Variants in TMEM71 observed in about 807,000 individuals in gnomAD.
TMEM71 encodes the protein transmembrane protein 71.
Under a neutral mutation model 38.0 loss-of-function variants are expected in TMEM71, and 44 were observed. The observed-to-expected ratio is 1.16, with a 90% CI of 0.91 to 1.49. The LOEUF (loss-of-function observed/expected upper bound fraction) is 1.49, where lower values mean the gene tolerates loss of function less well. Ranked by LOEUF, TMEM71 falls within the 40% of genes most tolerant of loss-of-function variation. The pLI is 0.00. For missense variants in TMEM71, 367 were observed against 348.6 expected (o/e 1.05, Z -0.42); for synonymous variants, 133 against 122.5 (o/e 1.09, Z -0.56).
At chr8:132,707,930 G>T (rs772704974), downstream of TMEM71, among the ~76,000 whole-genome samples, 1 of 152,006 alleles carries the variant, frequency 6.6e-6, no homozygotes, top group South Asian at 2.1e-4. Context: ...ATTCTTCACC[G>T]TCATACTCCC....
chr8:132,716,108 T>C (rs528623002), intron 7 of TMEM71, among the ~76,000 whole-genome samples: 3 of 152,228 alleles, frequency 2.0e-5, no homozygotes, highest in Admixed American at 1.3e-4. Context: ...CTGCAGCCGC[T>C]CAGCCATGGC....
At chr8:132,756,409 TATTATA>T (rs1171758056) in intron 3 of TMEM71, among the ~76,000 whole-genome samples, 2 of 71,060 alleles carry the variant, frequency 2.8e-5, no homozygotes, top group Non-Finnish European at 2.4e-5. Flanking sequence ...CTAACATATA[TATTATA>T]TATATATATA....
chr8:132,722,046 C>A lies in TMEM71; in HGVS notation c.746G>T (p.Cys249Phe), dbSNP rs2131035616. The change falls in exon 7 of 10, where the codon TGT becomes TTT. Residue 249 changes from cysteine (C) to phenylalanine (F), a missense_variant. Cys to Phe is a radical substitution (Grantham distance 205). Coordinates refer to ENST00000677595, the MANE Select transcript of TMEM71 (RefSeq NM_001382403.1). The part of the protein sequence containing the change: ...LLAVCLIISA[C>F]ARWFMGEILA... ...AAAATAAAACGTGAATTACCTTGCA[C>A]ATGCAGAAATGATTAAGCACACAGC... The A allele has an allele frequency of 1.9e-6, 3 of 1,613,498 alleles. No homozygotes were observed. Among genetic ancestry groups the A allele is most frequent in the African/African-American group, 1.3e-5 (1 of 75,014 alleles).
intron 7 of TMEM71, among the ~76,000 whole-genome samples, chr8:132,717,929 T>A (rs1199109240): frequency 1.3e-5 from 2 of 152,222 alleles, no homozygotes; most frequent in Non-Finnish European, 2.9e-5. Flanking sequence ...GATGAAGTAC[T>A]GATACATGCT....
At chr8:132,746,509 A>G (rs963262860) in intron 5 of TMEM71, among the ~76,000 whole-genome samples, 15 of 141,850 alleles carry the variant, frequency 1.1e-4, no homozygotes, top group African/African-American at 3.1e-4. Flanking sequence ...ATATATATGT[A>G]TATATATATG....
At chr8:132,725,651 A>C (rs1827103674) in intron 6 of TMEM71, among the ~76,000 whole-genome samples, 1 of 152,200 alleles carries the variant, frequency 6.6e-6, no homozygotes, top group Non-Finnish European at 1.5e-5. Flanking sequence ...GAAGATGGAG[A>C]CCTTGTCCAC....
chr8:132,722,820 C>T (rs1826929799), intron 6 of TMEM71, among the ~76,000 whole-genome samples: 3 of 152,174 alleles, frequency 2.0e-5, no homozygotes, highest in South Asian at 4.1e-4. Context: ...ACTGCCAAGC[C>T]ACAGTAGAAA....
the TMEM71 span, among the ~76,000 whole-genome samples, chr8:132,767,664 G>A: frequency 2.0e-5 from 3 of 151,932 alleles, no homozygotes; most frequent in Non-Finnish European, 2.9e-5. Context: ...TAGTAGAGAC[G>A]GGGTTTCACA....
downstream of TMEM71, among the ~76,000 whole-genome samples, chr8:132,708,834 C>T (rs146960442): frequency 6.6e-6 from 1 of 152,288 alleles, no homozygotes; most frequent in African/African-American, 2.4e-5. Flanking sequence ...ACCACAGAAG[C>T]AGAGGCTAGA....
intron 4 of TMEM71, among the ~76,000 whole-genome samples, chr8:132,751,310 C>G (rs1372403039): frequency 6.6e-6 from 1 of 152,196 alleles, no homozygotes; most frequent in African/African-American, 2.4e-5. Context: ...TGCCATCTTT[C>G]CAGAAGTTCT....
chr8:132,720,619 C>A (rs1383826798), intron 7 of TMEM71, among the ~76,000 whole-genome samples: 4 of 152,186 alleles, frequency 2.6e-5, no homozygotes, highest in Admixed American at 2.6e-4. Context: ...TCATAATTAT[C>A]TGGGAAGCTT....
chr8:132,757,286 T>G lies in TMEM71; in HGVS notation c.49A>C (p.Arg17=), dbSNP rs757809891. ...LMSTPVASSS[R]LEREYAGELS... is the part of the protein sequence containing the mutation. The stretch of plus-strand genomic sequence containing the variant: ...TCTCCAGCATATTCTCTTTCCAACC[T>G]GGAAGAACCTGCATAAACAAATGAG... The change falls in exon 3 of 10, where the codon AGG becomes CGG. Residue 17 remains arginine, a synonymous_variant. Coordinates refer to ENST00000677595, the MANE Select transcript of TMEM71 (RefSeq NM_001382403.1). 5 of 1,602,646 alleles carry G rather than the reference T, an allele frequency of 3.1e-6. No individual in the cohort carries two copies. Among genetic ancestry groups the G allele is most frequent in the Non-Finnish European group, 4.3e-6 (5 of 1,174,018 alleles).
chr8:132,715,250 CAA>C (rs71299031), intron 7 of TMEM71, among the ~76,000 whole-genome samples: 2 of 142,780 alleles, frequency 1.4e-5, no homozygotes, highest in African/African-American at 2.6e-5. Context: ...ACTAAAAATG[CAA>C]AAAAAAAAAT....
intron 6 of TMEM71, among the ~76,000 whole-genome samples, chr8:132,723,833 G>A (rs1056855716): frequency 5.1e-4 from 78 of 152,086 alleles, no homozygotes; most frequent in African/African-American, 1.7e-3. Flanking sequence ...ATATATCAGG[G>A]GAACCCACCC....
Position 132,756,411 on chromosome 8 carries a change from T to TTTTATATA in TMEM71, c.101+822_101+823insTATATAAA, listed in dbSNP as rs1554619986. Among the ~76,000 whole-genome samples the TTTTATATA allele has an allele frequency of 1.6e-4, 19 of 115,814 alleles. No individual in the cohort carries two copies. The East Asian group carries it at 1.7e-3, about 10-fold the overall frequency. 76.0% of individuals were successfully genotyped at this position (115,814 alleles called of 152,430 possible). A position where few individuals can be genotyped will look rare whatever the true frequency, so the allele number is the denominator to read the frequency against. ...CCATATATTGACACTAACATATATA[T>TTTTATATA]TATATATATATATATATATATATAT... On this transcript the variant is annotated intron_variant, in intron 3 of 9. Transcript: ENST00000677595.
chr8:132,728,406 A>G (rs915014959), intron 5 of TMEM71, among the ~76,000 whole-genome samples: 2 of 152,210 alleles, frequency 1.3e-5, no homozygotes, highest in African/African-American at 2.4e-5. Flanking sequence ...CTTATTCACT[A>G]TCATGAGAAC....
intron 9 of TMEM71, among the ~76,000 whole-genome samples, chr8:132,711,581 G>A (rs1276259277): frequency 6.6e-6 from 1 of 152,140 alleles, no homozygotes; most frequent in Non-Finnish European, 1.5e-5. Flanking sequence ...AATCATAAGT[G>A]TGCAAAACGT....
At chr8:132,708,658 A>G (rs963565062), downstream of TMEM71, among the ~76,000 whole-genome samples, 3 of 152,200 alleles carry the variant, frequency 2.0e-5, no homozygotes, top group Non-Finnish European at 4.4e-5. Context: ...GAACTCTGGA[A>G]CCTATGACTA....
chr8:132,728,758 A>G (rs1412767837), intron 5 of TMEM71, among the ~76,000 whole-genome samples: 2 of 152,194 alleles, frequency 1.3e-5, no homozygotes, highest in Non-Finnish European at 2.9e-5. Flanking sequence ...TTCAACATTT[A>G]TTGAATGTGA....
Sources: allele counts gnomAD v4.1 joint callset (sites outside exome capture counted in the v4.1 genomes callset), GRCh38; gene constraint gnomAD v4.1.1; transcripts MANE v1.5; gene names NCBI Gene and HGNC (gene_info 2026-07-23, HGNC 2026-07-21).